Variants in CFAP206 observed in about 807,000 individuals in gnomAD.
CFAP206 encodes the protein cilia- and flagella-associated protein 206.
A neutral mutation model predicts 65.4 loss-of-function variants in CFAP206; 53 were observed. The observed-to-expected ratio is 0.81, with a 90% CI of 0.65 to 1.02. The LOEUF is 1.02. Ranked by LOEUF, CFAP206 falls within the 50% of genes least tolerant of loss-of-function variation. CFAP206 has a pLI of 0.00. For missense variants in CFAP206, 663 were observed against 753.2 expected, an observed-to-expected ratio of 0.88 and a Z score of 1.40; for synonymous variants, 250 against 254.4, an observed-to-expected ratio of 0.98 and a Z score of 0.17.
intron 7 of CFAP206, among the ~76,000 whole-genome samples, chr6:87,424,693 A>G (rs1381561132): frequency 1.3e-5 from 2 of 152,182 alleles, no homozygotes; most frequent in African/African-American, 2.4e-5. Flanking sequence ...GCATTCTTCA[A>G]TGCGACTTTT....
At position 87,426,616 on chromosome 6, in the gene CFAP206, A is replaced by G; in HGVS notation, c.931A>G (p.Lys311Glu). 6.3e-7 allele frequency: 1 copy of G among 1,594,362 alleles called. No homozygotes were observed. The highest frequency in any genetic ancestry group is 8.5e-7 in the Non-Finnish European group (1 of 1,170,192). Residue 311 changes from lysine (K) to glutamate (E), a missense_variant, in exon 8 of 13, where the codon AAG becomes GAG. By Grantham distance (56) the Lys-to-Glu change is moderately conservative. Coordinates refer to ENST00000369562, the MANE Select transcript of CFAP206 (RefSeq NM_001031743.3). ...ACAACTAAAAATGACCATAAAATCA[A>G]AGATAGCGGTCCCAACATCACAAGT... is the stretch of plus-strand genomic sequence containing the variant. ...LEQLKMTIKS[K>E]IAVPTSQVFP...
chr6:87,442,958 T>A (rs1340860426), intron 11 of CFAP206, among the ~76,000 whole-genome samples: 2 of 152,118 alleles, frequency 1.3e-5, no homozygotes, highest in Non-Finnish European at 2.9e-5. Flanking sequence ...TGCTGTCCGT[T>A]GTTTAGATGT....
chr6:87,447,832 A>C lies in CFAP206; in HGVS notation c.1494+12779A>C, dbSNP rs889844579. 3.3e-5 allele frequency among the ~76,000 whole-genome samples: 5 copies of C among 152,104 alleles called. No homozygotes were observed. In the East Asian group the frequency reaches 9.7e-4, roughly 29 times the overall value. On this transcript the variant is annotated intron_variant, in intron 11 of 12. Transcript: ENST00000369562. ...CTGGGCTTTTTTTGGTTGGTAGGCT[A>C]TTTATAACTGCCTCAATTTCAGAAC...
At chr6:87,434,278 C>T (rs1768212798) in intron 10 of CFAP206, among the ~76,000 whole-genome samples, 1 of 151,954 alleles carries the variant, frequency 6.6e-6, no homozygotes, top group African/African-American at 2.4e-5. Flanking sequence ...TGCCTGTAGT[C>T]CCAGCTACCT....
intron 9 of CFAP206, 43 bp downstream of exon 9, chr6:87,428,867 C>T (rs1177452887): frequency 6.6e-7 from 1 of 1,524,008 alleles, no homozygotes. Flanking sequence ...TTTAAAATTA[C>T]CTCTAGAATA....
intron 7 of CFAP206, among the ~76,000 whole-genome samples, chr6:87,421,207 C>T (rs748618644): frequency 5.3e-5 from 8 of 152,090 alleles, no homozygotes; most frequent in Non-Finnish European, 7.4e-5. Context: ...CAATATAGGC[C>T]GAGCGTGGTG....
intron 8 of CFAP206, among the ~76,000 whole-genome samples, 149 bp from the exon 9 acceptor site, chr6:87,428,473 GTCTA>G (rs1489848484): frequency 6.6e-6 from 1 of 152,110 alleles, no homozygotes; most frequent in Non-Finnish European, 1.5e-5. Flanking sequence ...TGAGTTAAAT[GTCTA>G]TCTAAAGTCT....
At chr6:87,414,044 G>A (rs1448899868) in intron 4 of CFAP206, 144 bp downstream of exon 4, 3 of 286,978 alleles carry the variant, frequency 1.0e-5, no homozygotes, top group South Asian at 1.8e-4. Flanking sequence ...GGAATACAAC[G>A]TTAGAAATGC....
At chr6:87,428,859 T>A (rs1437859732) in intron 9 of CFAP206, 35 bp downstream of exon 9, 2 of 1,544,656 alleles carry the variant, frequency 1.3e-6, no homozygotes, top group African/African-American at 2.7e-5. Context: ...CTCTTCTTTT[T>A]AAAATTACCT....
intron 11 of CFAP206, among the ~76,000 whole-genome samples, chr6:87,438,306 C>T (rs1188928659): frequency 1.3e-5 from 2 of 151,746 alleles, no homozygotes; most frequent in Non-Finnish European, 2.9e-5. Context: ...ACTAAAAATA[C>T]AAAAATTAGC....
At chr6:87,460,716 G>A (rs1768731179) in intron 11 of CFAP206, among the ~76,000 whole-genome samples, 2 of 151,808 alleles carry the variant, frequency 1.3e-5, no homozygotes, top group East Asian at 1.9e-4. Flanking sequence ...ATCCTGCCTC[G>A]AATCTCAGCA....
In CFAP206 at chr6:87,464,396, C is replaced by A. The variant is rs7649; in HGVS notation, c.*146C>A. On this transcript the variant is annotated 3_prime_UTR_variant, in exon 13 of 13. Coordinates refer to ENST00000369562, the MANE Select transcript of CFAP206 (RefSeq NM_001031743.3). ...TGTTTATTGGGTTCCCATATTTTAT[C>A]AAACTGTTTTCTGTAACACATTTTT... The A allele has an allele frequency of 0.28, 140,170 of 494,456 alleles. 20,632 individuals carry two copies. Among genetic ancestry groups the A allele is most frequent in the Admixed American group, 0.4 (10,621 of 26,750 alleles). 30.6% of individuals were successfully genotyped at this position (494,456 alleles called of 1,614,324 possible). A position where few individuals can be genotyped will look rare whatever the true frequency, so the allele number is the denominator to read the frequency against.
intron 11 of CFAP206, chr6:87,436,072 G>A (rs1302809436): frequency 7.1e-6 from 1 of 141,352 alleles, no homozygotes; most frequent in Non-Finnish European, 1.5e-5. Context: ...GGTTTAAAAT[G>A]TCTGTTGTTT....
chr6:87,413,793 G>T lies in CFAP206; in HGVS notation c.193-17G>T. ...AAAAACTATAACTAGAAGTATTCATGGGACATTCTTTTCTAGCTTTGTATG... is the reference window on the plus strand; with the variant it reads ...AAAAACTATAACTAGAAGTATTCATTGGACATTCTTTTCTAGCTTTGTATG... On this transcript the variant is annotated splice_polypyrimidine_tract_variant and intron_variant, in intron 3 of 12. Transcript: ENST00000369562. 1 of 1,433,622 alleles carries T rather than the reference G, an allele frequency of 7.0e-7. No homozygotes were observed. The highest frequency in any genetic ancestry group is 1.3e-5 in the South Asian group (1 of 77,670). The allele number at this position is 1,433,622 out of a possible 1,614,324, so 88.8% of individuals were successfully genotyped here.
intron 11 of CFAP206, chr6:87,444,784 G>A (rs1768416495): frequency 1.9e-6 from 1 of 524,188 alleles, no homozygotes; most frequent in Non-Finnish European, 3.7e-6. Flanking sequence ...CTAGGCCCTA[G>A]GTTGAACTTC....
At chr6:87,451,933 A>G (rs1768552672) in intron 11 of CFAP206, among the ~76,000 whole-genome samples, 1 of 151,996 alleles carries the variant, frequency 6.6e-6, no homozygotes, top group Non-Finnish European at 1.5e-5. Flanking sequence ...GGCAGGATCT[A>G]TCACTTGCTG....
chr6:87,446,450 C>A (rs1168809707), intron 11 of CFAP206, among the ~76,000 whole-genome samples: 1 of 152,156 alleles, frequency 6.6e-6, no homozygotes, highest in Non-Finnish European at 1.5e-5. Flanking sequence ...TCTTCCAGCA[C>A]CATTTATTAA....
At chr6:87,437,825 ATTTT>A (rs1206669821) in intron 11 of CFAP206, among the ~76,000 whole-genome samples, 1 of 104,490 alleles carries the variant, frequency 9.6e-6, no homozygotes, top group African/African-American at 3.7e-5. Flanking sequence ...TGCCTGGCTA[ATTTT>A]TTTTTTTTTT....
rs140056165 is a variant in CFAP206 at position 87,430,019 on chromosome 6, C to A, written c.1160-1014C>A. On this transcript the variant is annotated intron_variant, in intron 9 of 12. Coordinates refer to ENST00000369562, the MANE Select transcript of CFAP206 (RefSeq NM_001031743.3). Reference sequence around the variant, plus strand: ...TATTGGCAAGACTGTTTACCTGCAACTTCTTAGATTTAGATGTGTCATTTT... The same window carrying A: ...TATTGGCAAGACTGTTTACCTGCAAATTCTTAGATTTAGATGTGTCATTTT... 7.2e-5 allele frequency among the ~76,000 whole-genome samples: 11 copies of A among 152,302 alleles called. No individual in the cohort carries two copies. The East Asian group carries it at 2.1e-3, about 29-fold the overall frequency.
Sources: allele counts gnomAD v4.1 joint callset (sites outside exome capture counted in the v4.1 genomes callset), GRCh38; gene constraint gnomAD v4.1.1; transcripts MANE v1.5; gene names NCBI Gene and HGNC (gene_info 2026-07-23, HGNC 2026-07-21).